Variants in TYSND1 observed in about 807,000 individuals in gnomAD.
The protein encoded by TYSND1 is peroxisomal leader peptide-processing protease.
A neutral mutation model predicts 37.2 loss-of-function variants in TYSND1; 30 were observed. That is an observed-to-expected ratio of 0.81 (90% CI 0.60 to 1.09). The LOEUF is 1.09. Among genes scored for constraint, TYSND1 ranks in the 50% least tolerant of loss-of-function variants. The pLI, the probability that TYSND1 is intolerant of heterozygous loss-of-function variation, is 0.00. For synonymous variants in TYSND1, 364 were observed against 383.8 expected (o/e 0.95, Z 0.60); for missense variants, 806 against 817.4 (o/e 0.99, Z 0.17).
Position 70,145,411 on chromosome 10 carries a change from G to C in TYSND1, c.1166+10C>G. On this transcript the variant is annotated intron_variant, in intron 1 of 3. Transcript: ENST00000287078. ...AAAGGGATGAAGTGGCGTCAGCCCT[G>C]CGGGCTTACTTGGGGGTGGTGGAGC... 5 of 1,412,306 alleles carry C rather than the reference G, an allele frequency of 3.5e-6. No homozygotes were observed. Among genetic ancestry groups the C allele is most frequent in the Non-Finnish European group, 4.6e-6 (5 of 1,081,262 alleles). The allele number at this position is 1,412,306 out of a possible 1,614,324, so 87.5% of individuals were successfully genotyped here. A position where few individuals can be genotyped will look rare whatever the true frequency, so the allele number is the denominator to read the frequency against.
intron 2 of TYSND1, among the ~76,000 whole-genome samples, 170 bp from the exon 3 acceptor site, chr10:70,143,023 A>T (rs2072810170): frequency 6.6e-6 from 1 of 152,196 alleles, no homozygotes; most frequent in Admixed American, 6.5e-5. Flanking sequence ...CCCTGGCTGG[A>T]AGAGGCTGAG....
chr10:70,142,161 C>T lies in TYSND1; in HGVS notation c.1483+507G>A, dbSNP rs1243908489. On this transcript the variant is annotated intron_variant, in intron 3 of 3. Coordinates refer to ENST00000287078, the MANE Select transcript of TYSND1 (RefSeq NM_173555.4). ...CTGTTTTTTAAAAACCTGAATGTTA[C>T]CAAAATTTAAAAATTGATCGATTTA... 2.6e-5 allele frequency among the ~76,000 whole-genome samples: 4 copies of T among 151,984 alleles called. No individual in the cohort carries two copies. In the East Asian group the frequency reaches 5.8e-4, roughly 22 times the overall value.
intron 3 of TYSND1, among the ~76,000 whole-genome samples, chr10:70,141,239 CTTT>C (rs34072247): frequency 1.0e-4 from 13 of 126,180 alleles, no homozygotes; most frequent in African/African-American, 1.5e-4. Context: ...CCATACCTGG[CTTT>C]TTTTTTTTTT....
At chr10:70,145,011 C>T (rs2072857558) in intron 1 of TYSND1, among the ~76,000 whole-genome samples, 1 of 152,180 alleles carries the variant, frequency 6.6e-6, no homozygotes, top group African/African-American at 2.4e-5. Flanking sequence ...AGAGCACCAT[C>T]CTGGGCCTCT....
Position 70,139,851 on chromosome 10 carries a change from GCCA to G in TYSND1, c.*70_*72del. 1 of 1,460,814 alleles carries G rather than the reference GCCA, an allele frequency of 6.8e-7. No homozygotes were observed. Among genetic ancestry groups the G allele is most frequent in the Admixed American group, 1.8e-5 (1 of 55,556 alleles). 90.5% of individuals were successfully genotyped at this position (1,460,814 alleles called of 1,614,324 possible). A position where few individuals can be genotyped will look rare whatever the true frequency, so the allele number is the denominator to read the frequency against. On this transcript the variant is annotated 3_prime_UTR_variant, in exon 4 of 4. Transcript: ENST00000287078. ...CAGGGGCTGGGCCCTGAATCCTGAGGCCACCGTCACCTCAACATCACTTCCTAC... is the reference window on the plus strand; with the variant it reads ...CAGGGGCTGGGCCCTGAATCCTGAGGCCGTCACCTCAACATCACTTCCTAC...
chr10:70,146,548 C>A lies in TYSND1; in HGVS notation c.39G>T (p.Glu13Asp). The change falls in exon 1 of 4, where the codon GAG (glutamate) becomes GAT (aspartate). Residue 13 changes from glutamate (E) to aspartate (D), a missense_variant. Around this residue, in one of 3 missense-constraint regions of TYSND1, gnomAD observed 84 missense variants for 79.0 expected, o/e 1.06. Transcript: ENST00000287078. ...RQWGSAMRAA[E>D]QAGCMVSASR... ...AGGCGCTCACCATGCAGCCCGCCTG[C>A]TCGGCCGCCCTCATGGCAGACCCCC... is the stretch of plus-strand genomic sequence containing the variant. The A allele has an allele frequency of 6.3e-7, 1 of 1,579,344 alleles. No homozygotes were observed. Among genetic ancestry groups the A allele is most frequent in the South Asian group, 1.1e-5 (1 of 87,878 alleles).
chr10:70,144,428 T>G (rs1404872468), intron 1 of TYSND1: 1 of 984,166 alleles, frequency 1.0e-6, no homozygotes, highest in Admixed American at 5.6e-5. Context: ...AACAATCCCG[T>G]CAGTTGGTGG....
In TYSND1 at chr10:70,139,898, T is replaced by G; in HGVS notation, c.*26A>C. 2 of 1,598,950 alleles carry G rather than the reference T, an allele frequency of 1.3e-6. No homozygotes were observed. Among genetic ancestry groups the G allele is most frequent in the Non-Finnish European group, 1.7e-6 (2 of 1,170,828 alleles). On this transcript the variant is annotated 3_prime_UTR_variant, in exon 4 of 4. Coordinates refer to ENST00000287078, the MANE Select transcript of TYSND1 (RefSeq NM_173555.4). The stretch of plus-strand genomic sequence containing the variant: ...TTCCTACAGCAGAAAAAGGTCACTC[T>G]TCTTTCCAAAGGTGGTAACACAGCC...
chr10:70,141,459 A>G (rs1002934500), intron 3 of TYSND1, among the ~76,000 whole-genome samples: 4 of 152,116 alleles, frequency 2.6e-5, no homozygotes, highest in Non-Finnish European at 5.9e-5. Context: ...CCCTCAATTG[A>G]GGCCTACCTA....
Position 70,140,022 on chromosome 10 carries a change from G to A in TYSND1, c.1603C>T (p.Leu535=), listed in dbSNP as rs777803234. ...CGGTCCAGCTCACGGAGGCCACCTA[G>A]GTCTTGGGTCTGGCTGTACTGCTGC... ...ALQQYSQTQD[L]GGLRELDRAA... The change falls in exon 4 of 4, where the codon CTA becomes TTA. Residue 535 remains leucine (L), a synonymous_variant. Transcript: ENST00000287078. 3 of 1,614,232 alleles carry A rather than the reference G, an allele frequency of 1.9e-6. No homozygotes were observed. Among genetic ancestry groups the A allele is most frequent in the Non-Finnish European group, 2.5e-6 (3 of 1,180,026 alleles).
In TYSND1 at chr10:70,138,475, G is replaced by A. The variant is rs962864348; in HGVS notation, c.*1449C>T. The A allele has an allele frequency of 5.3e-5, 8 of 152,318 alleles. No homozygotes were observed. The highest frequency in any genetic ancestry group is 4.1e-4 in the South Asian group (2 of 4,820). 9.4% of individuals were successfully genotyped at this position (152,318 alleles called of 1,614,324 possible). The stretch of plus-strand genomic sequence containing the variant: ...TAAGCACTCTTCCTGCGTGGCCTCC[G>A]CCCACAGCCGCCCCTCACAGGGCTT... On this transcript the variant is annotated 3_prime_UTR_variant, in exon 4 of 4. Coordinates refer to ENST00000287078, the MANE Select transcript of TYSND1 (RefSeq NM_173555.4).
chr10:70,145,084 A>G (rs940188767), intron 1 of TYSND1, among the ~76,000 whole-genome samples: 3 of 152,204 alleles, frequency 2.0e-5, no homozygotes, highest in Non-Finnish European at 4.4e-5. Flanking sequence ...AAAGGGCCAG[A>G]GAACCGAGGG....
chr10:70,138,150 C>T lies in TYSND1; in HGVS notation c.*1774G>A, dbSNP rs1051608245. On this transcript the variant is annotated 3_prime_UTR_variant, in exon 4 of 4. Coordinates refer to ENST00000287078, the MANE Select transcript of TYSND1 (RefSeq NM_173555.4). ...TCAGCTATCCAGAAGCTCTCTGAACCCTGTCCTCTTGGGTTTTTATGGAAG... is the reference window on the plus strand; with the variant it reads ...TCAGCTATCCAGAAGCTCTCTGAACTCTGTCCTCTTGGGTTTTTATGGAAG... 6.6e-6 allele frequency: 1 copy of T among 152,064 alleles called. No individual in the cohort carries two copies. The highest frequency in any genetic ancestry group is 2.1e-4 in the South Asian group (1 of 4,816). 9.4% of individuals were successfully genotyped at this position (152,064 alleles called of 1,614,324 possible).
In TYSND1 at chr10:70,139,578, C is replaced by T. The variant is rs902688911; in HGVS notation, c.*346G>A. The T allele has an allele frequency of 1.9e-5, 4 of 210,484 alleles. No homozygotes were observed. The highest frequency in any genetic ancestry group is 6.9e-5 in the African/African-American group (3 of 43,640). 13.0% of individuals were successfully genotyped at this position (210,484 alleles called of 1,614,324 possible). On this transcript the variant is annotated 3_prime_UTR_variant, in exon 4 of 4. Transcript: ENST00000287078. ...AGGGGAACAGACGCAAAACCAGGCA[C>T]GGGCCTGCCTTCCAGCTGGAATCTA...
chr10:70,144,238 G>T, intron 1 of TYSND1: 1 of 490,286 alleles, frequency 2.0e-6, no homozygotes, highest in Non-Finnish European at 3.5e-6. Context: ...TGGTGTTAGT[G>T]TTTTGTGGAC....
intron 3 of TYSND1, among the ~76,000 whole-genome samples, chr10:70,140,803 T>C (rs1187741784): frequency 6.6e-6 from 1 of 152,214 alleles, no homozygotes; most frequent in African/African-American, 2.4e-5. Flanking sequence ...TGCACTAGTT[T>C]TTCCACTAAT....
chr10:70,145,805 G>A lies in TYSND1; in HGVS notation c.782C>T (p.Thr261Ile). 6.6e-7 allele frequency: 1 copy of A among 1,516,308 alleles called. No homozygotes were observed. The allele number at this position is 1,516,308 out of a possible 1,614,324, so 93.9% of individuals were successfully genotyped here. ...LLTDARCLPG[T>I]EGGGVFTARP... ...CGCGGTGAACACGCCGCCGCCCTCG[G>A]TGCCGGGCAGGCAGCGTGCGTCGGT... is the stretch of plus-strand genomic sequence containing the variant. The change falls in exon 1 of 4, where the codon ACC becomes ATC. Residue 261 changes from threonine (T) to isoleucine (I), a missense_variant. Around this residue, in one of 3 missense-constraint regions of TYSND1, gnomAD observed 708 missense variants for 705.4 expected, o/e 1.00. Transcript: ENST00000287078.
intron 3 of TYSND1, 56 bp from the exon 4 acceptor site, chr10:70,140,197 A>G (rs1235566917): frequency 1.4e-6 from 2 of 1,456,680 alleles, no homozygotes; most frequent in African/African-American, 2.8e-5. Context: ...GAAAGGCTGG[A>G]GAAGGGAGGA....
In TYSND1 at chr10:70,145,456, T is replaced by C; in HGVS notation, c.1131A>G (p.Glu377=). 2 of 1,473,952 alleles carry C rather than the reference T, an allele frequency of 1.4e-6. No homozygotes were observed. Among genetic ancestry groups the C allele is most frequent in the Non-Finnish European group, 1.8e-6 (2 of 1,114,320 alleles). The allele number at this position is 1,473,952 out of a possible 1,614,324, so 91.3% of individuals were successfully genotyped here. ...TGGAGCGCACCAGGACCCTGGCTGC[T>C]TCCCGAGGGGACACGTGCCGACAGG... is the stretch of plus-strand genomic sequence containing the variant. ...VVTCRHVSPR[E]AARVLVRSTT... Residue 377 remains glutamate, a synonymous_variant, in exon 1 of 4, where the codon GAA becomes GAG. Transcript: ENST00000287078.
Sources: gnomAD v4.1 joint callset for allele counts (sites outside exome capture counted in the v4.1 genomes callset) on GRCh38, gnomAD v4.1.1 for gene constraint, gnomAD v4.1.1 regional missense constraint, MANE v1.5 for transcripts, NCBI Gene and HGNC (gene_info 2026-07-23, HGNC 2026-07-21) for gene names.